ROBO1: variants seen among roughly 807,000 people sequenced by gnomAD.
ROBO1 encodes the protein roundabout guidance receptor 1.
A neutral mutation model predicts 195.9 loss-of-function variants in ROBO1; 149 were observed. That is an observed-to-expected ratio of 0.76 (90% CI 0.67 to 0.87). The LOEUF (loss-of-function observed/expected upper bound fraction) is 0.87, where lower values mean the gene tolerates loss of function less well. Among genes scored for constraint, ROBO1 ranks in the 40% least tolerant of loss-of-function variants. The probability of loss-of-function intolerance (pLI) is 0.00; values close to 1 mark genes in which losing one functional copy is unlikely to be tolerated. For missense variants in ROBO1, 1,933 were observed against 2,068.3 expected, an observed-to-expected ratio of 0.93 and a Z score of 1.27; for synonymous variants, 816 against 733.2, an observed-to-expected ratio of 1.11 and a Z score of -1.82.
intron 4 of ROBO1, among the ~76,000 whole-genome samples, chr3:78,922,168 G>T (rs1384542655): frequency 2.6e-5 from 4 of 152,064 alleles, no homozygotes; most frequent in African/African-American, 7.2e-5. Flanking sequence ...GCTGTGAGAA[G>T]ATAATACAAA....
intron 1 of ROBO1, among the ~76,000 whole-genome samples, chr3:79,698,815 T>G (rs1301482031): frequency 6.6e-6 from 1 of 151,458 alleles, no homozygotes; most frequent in African/African-American, 2.4e-5. Context: ...ACTCAACACA[T>G]AAAGCAGACA....
At chr3:78,712,664 T>C (rs889187932) in intron 8 of ROBO1, among the ~76,000 whole-genome samples, 12 of 152,206 alleles carry the variant, frequency 7.9e-5, no homozygotes, top group Non-Finnish European at 1.5e-4. Context: ...GCAGTTGAAA[T>C]GAGAACTTCT....
intron 4 of ROBO1, among the ~76,000 whole-genome samples, chr3:78,886,367 C>T (rs1013205208): frequency 3.3e-5 from 5 of 151,994 alleles, no homozygotes; most frequent in East Asian, 1.9e-4. Context: ...GAGGCCGAGG[C>T]GGGTGGATCC....
intron 2 of ROBO1, among the ~76,000 whole-genome samples, chr3:79,496,933 C>T (rs1344010724): frequency 6.6e-6 from 1 of 152,146 alleles, no homozygotes; most frequent in Non-Finnish European, 1.5e-5. Flanking sequence ...CCCAACCTGT[C>T]AATGTTGCTT....
At chr3:79,747,458 A>G (rs1170488985) in intron 1 of ROBO1, among the ~76,000 whole-genome samples, 1 of 152,110 alleles carries the variant, frequency 6.6e-6, no homozygotes, top group African/African-American at 2.4e-5. Flanking sequence ...TTATACTCCT[A>G]AGAAAAAGTA....
At chr3:79,602,045 C>T (rs1047569380) in intron 1 of ROBO1, among the ~76,000 whole-genome samples, 9 of 151,882 alleles carry the variant, frequency 5.9e-5, no homozygotes, top group African/African-American at 2.2e-4. Context: ...AAATGAGCTG[C>T]AAATTTTTAG....
chr3:78,860,139 G>GTAGATAGATAGATAGA (rs766675007), intron 4 of ROBO1, among the ~76,000 whole-genome samples: 71 of 141,992 alleles, frequency 5.0e-4, no homozygotes, highest in African/African-American at 1.2e-3. Flanking sequence ...AGGTAGATAG[G>GTAGATAGATAGATAGA]TAGATAGATA....
At chr3:78,603,686 A>C (rs1703305048) in intron 29 of ROBO1, among the ~76,000 whole-genome samples, 1 of 152,208 alleles carries the variant, frequency 6.6e-6, no homozygotes, top group South Asian at 2.1e-4. Context: ...TACCTCTTTC[A>C]CTATAAACAA....
chr3:79,585,730 T>G (rs1472858367), intron 2 of ROBO1, among the ~76,000 whole-genome samples: 1 of 151,996 alleles, frequency 6.6e-6, no homozygotes, highest in Non-Finnish European at 1.5e-5. Context: ...TGTAGATATC[T>G]GTAGAGCAGC....
intron 2 of ROBO1, among the ~76,000 whole-genome samples, chr3:79,537,767 G>A (rs928536684): frequency 1.3e-5 from 2 of 152,012 alleles, no homozygotes; most frequent in Non-Finnish European, 2.9e-5. Context: ...AGAGCATCAG[G>A]AGAAACAGCT....
intron 27 of ROBO1, among the ~76,000 whole-genome samples, chr3:78,616,994 C>T (rs995158493): frequency 3.9e-5 from 6 of 152,014 alleles, no homozygotes; most frequent in African/African-American, 1.4e-4. Context: ...GCTTGCTCTC[C>T]CAATTATTAT....
chr3:78,887,473 T>C (rs993812936), intron 4 of ROBO1, among the ~76,000 whole-genome samples: 1 of 152,210 alleles, frequency 6.6e-6, no homozygotes, highest in African/African-American at 2.4e-5. Context: ...AAATGACAGC[T>C]GAGCCGATAC....
At chr3:79,674,489 G>T (rs564180758) in intron 1 of ROBO1, among the ~76,000 whole-genome samples, 1 of 151,828 alleles carries the variant, frequency 6.6e-6, no homozygotes, top group Non-Finnish European at 1.5e-5. Flanking sequence ...GGAAAAAATA[G>T]AATAACCCAT....
chr3:79,475,814 A>C (rs923137108), intron 2 of ROBO1, among the ~76,000 whole-genome samples: 2 of 152,088 alleles, frequency 1.3e-5, no homozygotes, highest in African/African-American at 4.8e-5. Flanking sequence ...AGTACAACAA[A>C]ACAGTAAGGT....
chr3:79,044,141 ATCGC>A (rs2078543467), intron 3 of ROBO1, among the ~76,000 whole-genome samples: 2 of 151,086 alleles, frequency 1.3e-5, no homozygotes, highest in Non-Finnish European at 3.0e-5. Context: ...AAAAAAAAAA[ATCGC>A]AAAAAAAAAT....
intron 18 of ROBO1, among the ~76,000 whole-genome samples, chr3:78,655,203 T>A (rs1203253743): frequency 6.6e-6 from 1 of 152,168 alleles, no homozygotes; most frequent in Non-Finnish European, 1.5e-5. Context: ...GTAACATGAG[T>A]GCAAAAATCA....
At chr3:79,510,635 G>A (rs1344828095) in intron 2 of ROBO1, among the ~76,000 whole-genome samples, 2 of 150,636 alleles carry the variant, frequency 1.3e-5, no homozygotes, top group African/African-American at 4.9e-5. Context: ...ATGTTGCAGT[G>A]ATTAGGTCAT....
chr3:79,073,427 T>C lies in ROBO1; in HGVS notation c.172+52029A>G, dbSNP rs968172928. 2.0e-5 allele frequency among the ~76,000 whole-genome samples: 3 copies of C among 151,822 alleles called. 1 individual carries two copies. The East Asian group carries it at 5.8e-4, about 30-fold the overall frequency. On this transcript the variant is annotated intron_variant, in intron 3 of 30. Coordinates refer to ENST00000464233, the MANE Select transcript of ROBO1 (RefSeq NM_002941.4). ...AAATGGATATGGGAACCATCAAGAATAATAATAAATGAAATCTTAAAATGC... is the reference window on the plus strand; with the variant it reads ...AAATGGATATGGGAACCATCAAGAACAATAATAAATGAAATCTTAAAATGC...
chr3:78,809,165 T>C (rs547625656), intron 4 of ROBO1, among the ~76,000 whole-genome samples: 2 of 150,774 alleles, frequency 1.3e-5, no homozygotes, highest in Admixed American at 6.6e-5. Context: ...AAAAAAAACA[T>C]CAAAAAGTGG....
Sources: allele counts gnomAD v4.1 joint callset (sites outside exome capture counted in the v4.1 genomes callset), GRCh38; gene constraint gnomAD v4.1.1; transcripts MANE v1.5; gene names NCBI Gene and HGNC (gene_info 2026-07-23, HGNC 2026-07-21).